Variants in CACNA2D1 observed in about 807,000 individuals in gnomAD.
The protein encoded by CACNA2D1 is calcium voltage-gated channel auxiliary subunit alpha2delta 1.
A neutral mutation model predicts 171.5 loss-of-function variants in CACNA2D1; 53 were observed. The ratio of observed to expected loss-of-function variants is 0.31; its 90% CI spans 0.25 to 0.39. The LOEUF is 0.39. Among genes scored for constraint, CACNA2D1 ranks in the 10% least tolerant of loss-of-function variants. The probability of loss-of-function intolerance (pLI) is 1.00; values close to 1 mark genes in which losing one functional copy is unlikely to be tolerated. For missense variants in CACNA2D1, 903 were observed against 1,299.8 expected, an observed-to-expected ratio of 0.69 and a Z score of 4.69; for synonymous variants, 442 against 443.1, an observed-to-expected ratio of 1.00 and a Z score of 0.03.
intron 3 of CACNA2D1, among the ~76,000 whole-genome samples, chr7:82,332,557 A>AGAAAGAAC (rs1817484137): frequency 7.2e-6 from 1 of 139,066 alleles, no homozygotes; most frequent in African/African-American, 2.6e-5. Flanking sequence ...AAAGAAAGAA[A>AGAAAGAAC]GAAAGAAAGA....
At chr7:81,956,080 T>C (rs547932495) in intron 38 of CACNA2D1, among the ~76,000 whole-genome samples, 3 of 144,874 alleles carry the variant, frequency 2.1e-5, no homozygotes, top group East Asian at 4.5e-4. Flanking sequence ...TTCCACCTCC[T>C]AGGCTCAAGC....
intron 2 of CACNA2D1, among the ~76,000 whole-genome samples, chr7:82,338,504 T>C (rs17156152): frequency 0.12 from 18,986 of 152,146 alleles, 1,866 homozygotes; most frequent in African/African-American, 0.27. Flanking sequence ...TAGATCATTA[T>C]TAGCAATCAA....
chr7:81,962,123 C>T (rs1045360757), intron 35 of CACNA2D1, 100 bp from the exon 36 acceptor site: 8 of 1,151,056 alleles, frequency 7.0e-6, no homozygotes, highest in East Asian at 4.7e-5. Flanking sequence ...GCAAAATAAA[C>T]GTATAAGACC....
intron 25 of CACNA2D1, among the ~76,000 whole-genome samples, chr7:81,973,322 T>C (rs894405457): frequency 3.9e-5 from 6 of 152,010 alleles, no homozygotes; most frequent in Admixed American, 3.9e-4. Context: ...AGGTTTGGAA[T>C]CATCATGTTA....
chr7:82,387,348 A>G (rs1444943996), intron 1 of CACNA2D1, among the ~76,000 whole-genome samples: 1 of 152,174 alleles, frequency 6.6e-6, no homozygotes, highest in Non-Finnish European at 1.5e-5. Context: ...CCCCCTTTAA[A>G]AAAAGAAAGG....
At chr7:82,218,900 T>A (rs964282476) in intron 3 of CACNA2D1, among the ~76,000 whole-genome samples, 1 of 152,106 alleles carries the variant, frequency 6.6e-6, no homozygotes, top group Admixed American at 6.6e-5. Context: ...TATTTCTATA[T>A]TATCAAAATA....
At chr7:82,240,536 T>C (rs1804134528) in intron 3 of CACNA2D1, among the ~76,000 whole-genome samples, 1 of 152,216 alleles carries the variant, frequency 6.6e-6, no homozygotes, top group African/African-American at 2.4e-5. Flanking sequence ...ACAAGTGTAT[T>C]ACTGACTTGG....
At chr7:82,264,464 T>C (rs1807549766) in intron 3 of CACNA2D1, among the ~76,000 whole-genome samples, 1 of 152,244 alleles carries the variant, frequency 6.6e-6, no homozygotes, top group African/African-American at 2.4e-5. Flanking sequence ...CATATGCTTA[T>C]TTTCAAGGCA....
intron 4 of CACNA2D1, among the ~76,000 whole-genome samples, chr7:82,166,721 A>G (rs1706600479): frequency 6.6e-6 from 1 of 151,980 alleles, no homozygotes; most frequent in Non-Finnish European, 1.5e-5. Flanking sequence ...CATAAATTGT[A>G]TGGAGACCTA....
chr7:81,970,712 C>T lies in CACNA2D1; in HGVS notation c.2167G>A (p.Val723Met). ...ACTCTGGTAATCCCACCATCAGTCA[C>T]AACAAATCGTGCTTTCACTCCCTTG... ...NIKGVKARFV[V>M]TDGGITRVYP... Residue 723 changes from valine to methionine, a missense_variant, in exon 27 of 39, where the codon GTG (valine) becomes ATG (methionine). Physicochemically the swap from Val to Met is conservative, Grantham distance 21. Coordinates refer to ENST00000356860, the MANE Select transcript of CACNA2D1 (RefSeq NM_000722.4). The T allele has an allele frequency of 6.3e-7, 1 of 1,594,768 alleles. No individual in the cohort carries two copies. The highest frequency in any genetic ancestry group is 1.1e-5 in the South Asian group (1 of 90,710).
chr7:82,296,082 G>A (rs1170757227), intron 3 of CACNA2D1, among the ~76,000 whole-genome samples: 2 of 151,396 alleles, frequency 1.3e-5, no homozygotes, highest in African/African-American at 4.9e-5. Context: ...ACACAGGAAG[G>A]GGAACATCAC....
intron 6 of CACNA2D1, among the ~76,000 whole-genome samples, chr7:82,114,760 G>GAAAAAAAAAAAA (rs34240770): frequency 9.7e-6 from 1 of 103,112 alleles, no homozygotes; most frequent in Non-Finnish European, 2.1e-5. Flanking sequence ...CGTCCCAGAA[G>GAAAAAAAAAAAA]AAAAAAAAAA....
At chr7:82,389,064 C>T (rs932336902) in intron 1 of CACNA2D1, among the ~76,000 whole-genome samples, 3 of 150,616 alleles carry the variant, frequency 2.0e-5, no homozygotes, top group Non-Finnish European at 4.4e-5. Context: ...TGCAGTGAGC[C>T]GAGATGCCGC....
intron 12 of CACNA2D1, among the ~76,000 whole-genome samples, chr7:82,018,987 TGGTGGGGTGGG>T (rs1562877606): frequency 2.4e-5 from 1 of 42,442 alleles, no homozygotes; most frequent in African/African-American, 9.7e-5. Flanking sequence ...GATTCTGTCT[TGGTGGGGTGGG>T]GGTGGGGTGG....
intron 3 of CACNA2D1, among the ~76,000 whole-genome samples, chr7:82,216,696 A>G (rs1007266446): frequency 2.8e-4 from 42 of 152,170 alleles, no homozygotes; most frequent in African/African-American, 9.9e-4. Flanking sequence ...CATTTCAGCT[A>G]TCCAAAGACC....
chr7:82,408,811 T>C (rs1300597764), intron 1 of CACNA2D1, among the ~76,000 whole-genome samples: 1 of 152,176 alleles, frequency 6.6e-6, no homozygotes, highest in African/African-American at 2.4e-5. Context: ...AAACACAGCG[T>C]AGTCAACTAA....
At chr7:82,202,763 C>T (rs967827790) in intron 3 of CACNA2D1, among the ~76,000 whole-genome samples, 3 of 151,968 alleles carry the variant, frequency 2.0e-5, no homozygotes, top group Non-Finnish European at 4.4e-5. Flanking sequence ...TCGGAGACCC[C>T]ATTAGGTCTG....
At chr7:81,963,993 A>C (rs1274730316) in intron 34 of CACNA2D1, 63 bp downstream of exon 34, 2 of 1,340,932 alleles carry the variant, frequency 1.5e-6, no homozygotes, top group African/African-American at 2.9e-5. Context: ...TATTTTCATC[A>C]GATGCTTTTT....
intron 6 of CACNA2D1, among the ~76,000 whole-genome samples, chr7:82,098,018 G>A (rs1207555098): frequency 6.6e-6 from 1 of 152,108 alleles, no homozygotes; most frequent in Non-Finnish European, 1.5e-5. Flanking sequence ...GGAGGCTGAG[G>A]CAGGAGAATG....
Sources: gnomAD v4.1 joint callset for allele counts (sites outside exome capture counted in the v4.1 genomes callset) on GRCh38, gnomAD v4.1.1 for gene constraint, MANE v1.5 for transcripts, NCBI Gene and HGNC (gene_info 2026-07-23, HGNC 2026-07-21) for gene names.